PCDHGA1: variants seen among roughly 807,000 people sequenced by gnomAD.
The protein encoded by PCDHGA1 is protocadherin gamma-A1.
In PCDHGA1, 32 loss-of-function variants were observed where a neutral mutation model predicts 58.0. That is an observed-to-expected ratio of 0.55 (90% CI 0.42 to 0.74). PCDHGA1 has a LOEUF of 0.74. Among genes scored for constraint, PCDHGA1 ranks in the 30% least tolerant of loss-of-function variants. PCDHGA1 has a pLI of 0.00. For synonymous variants in PCDHGA1, 498 were observed against 501.1 expected, an observed-to-expected ratio of 0.99 and a Z score of 0.08; for missense variants, 1,205 against 1,182.3, an observed-to-expected ratio of 1.02 and a Z score of -0.28.
chr5:141,330,971 G>T lies in PCDHGA1; in HGVS notation c.287G>T (p.Cys96Phe). Residue 96 changes from cysteine (C) to phenylalanine (F), a missense_variant, in exon 1 of 4, where the codon TGC becomes TTC. Cys to Phe is a radical substitution (Grantham distance 205). Transcript: ENST00000517417. ...TARRIDREEL[C>F]AQSMPCLVSF... ...CGCAGGATAGACCGGGAGGAGCTCT[G>T]CGCTCAGAGCATGCCGTGTCTCGTG... 6.2e-7 allele frequency: 1 copy of T among 1,614,218 alleles called. No individual in the cohort carries two copies. The highest frequency in any genetic ancestry group is 8.5e-7 in the Non-Finnish European group (1 of 1,180,044).
chr5:141,500,434 C>T (rs1216731905), intron 2 of PCDHGA1, among the ~76,000 whole-genome samples: 1 of 152,014 alleles, frequency 6.6e-6, no homozygotes, highest in Non-Finnish European at 1.5e-5. Flanking sequence ...TGGTCTCGAT[C>T]TCCTGACCTC....
chr5:141,509,086 A>T lies in PCDHGA1; in HGVS notation c.2570-1861A>T, dbSNP rs147084289. On this transcript the variant is annotated intron_variant, in intron 3 of 3. Coordinates refer to ENST00000517417, the MANE Select transcript of PCDHGA1 (RefSeq NM_018912.3). ...CAGCTCCGGGGATTTGCGACATGAAATGGGGGCTGTAGAAACCTGAGCGCT... is the reference window on the plus strand; with the variant it reads ...CAGCTCCGGGGATTTGCGACATGAATTGGGGGCTGTAGAAACCTGAGCGCT... 8.3e-3 allele frequency among the ~76,000 whole-genome samples: 1,261 copies of T among 152,228 alleles called. 7 individuals are homozygous for T. Among genetic ancestry groups the T allele is most frequent in the Middle Eastern group, 0.037 (11 of 294 alleles).
chr5:141,481,780 C>T (rs781334437), intron 1 of PCDHGA1, among the ~76,000 whole-genome samples: 3 of 152,016 alleles, frequency 2.0e-5, no homozygotes, highest in African/African-American at 7.2e-5. Flanking sequence ...GGTGAAACCC[C>T]GTCTCTACTA....
Position 141,409,176 on chromosome 5 carries a change from G to A in PCDHGA1, c.2421+76071G>A. On this transcript the variant is annotated intron_variant, in intron 1 of 3. Transcript: ENST00000517417. ...ATGGAAGTGGAAGCGAAGGACGGAG[G>A]TGGTCTCTCTACCCAGTGTAAAGTA... The A allele has an allele frequency of 6.2e-7, 1 of 1,614,026 alleles. No individual in the cohort carries two copies. The highest frequency in any genetic ancestry group is 8.5e-7 in the Non-Finnish European group (1 of 1,179,892).
chr5:141,503,598 CAAAAAAAAAA>C (rs765754054), intron 2 of PCDHGA1, among the ~76,000 whole-genome samples: 1 of 65,762 alleles, frequency 1.5e-5, no homozygotes. Context: ...GACTCCAGCT[CAAAAAAAAAA>C]AAAAAAGAAA....
At chr5:141,503,263 C>T (rs2099818883) in intron 2 of PCDHGA1, among the ~76,000 whole-genome samples, 2 of 152,212 alleles carry the variant, frequency 1.3e-5, no homozygotes, top group South Asian at 4.2e-4. Context: ...GCCACAACCC[C>T]AGCACCTGGC....
intron 1 of PCDHGA1, chr5:141,370,655 C>G (rs746541169): frequency 1.9e-6 from 3 of 1,613,826 alleles, no homozygotes; most frequent in Admixed American, 3.3e-5. Flanking sequence ...TACTTGTGAG[C>G]GACCGTATAG....
chr5:141,495,109 C>A (rs1445945970), intron 2 of PCDHGA1, among the ~76,000 whole-genome samples: 3 of 152,278 alleles, frequency 2.0e-5, no homozygotes, highest in South Asian at 2.1e-4. Context: ...CGACCGGCAC[C>A]TTTTCCTATC....
intron 1 of PCDHGA1, chr5:141,400,114 A>G: frequency 6.2e-7 from 1 of 1,614,074 alleles, no homozygotes; most frequent in Admixed American, 1.7e-5. Context: ...CTTTGCTGAC[A>G]GCTTGCAGGA....
Position 141,487,781 on chromosome 5 carries a change from G to T in PCDHGA1, c.2422-7026G>T. ...AGACGCTGTGCTTTGTAACTGTTTC[G>T]TGAATTAACCAGAGTTGTCACAGTT... On this transcript the variant is annotated intron_variant, in intron 1 of 3. Transcript: ENST00000517417. This position sits in a 1 kb window ranked among gnomAD's most constrained non-coding sequence, Gnocchi z 5.0. 2 of 1,526,850 alleles carry T rather than the reference G, an allele frequency of 1.3e-6. No homozygotes were observed. The highest frequency in any genetic ancestry group is 8.8e-7 in the Non-Finnish European group (1 of 1,130,880). The allele number at this position is 1,526,850 out of a possible 1,614,324, so 94.6% of individuals were successfully genotyped here. A position where few individuals can be genotyped will look rare whatever the true frequency, so the allele number is the denominator to read the frequency against.
intron 1 of PCDHGA1, chr5:141,374,698 A>G: frequency 6.2e-7 from 1 of 1,609,364 alleles, no homozygotes; most frequent in Non-Finnish European, 8.5e-7. Context: ...GGGAAGGAGA[A>G]GCCGTTTACC....
Position 141,414,697 on chromosome 5 carries a change from T to A in PCDHGA1, c.2422-80110T>A, listed in dbSNP as rs748722995. The A allele has an allele frequency of 9.3e-6, 15 of 1,614,036 alleles. No homozygotes were observed. Among genetic ancestry groups the A allele is most frequent in the Non-Finnish European group, 1.3e-5 (15 of 1,179,930 alleles). ...CATCCAGGGGGTACCTCTGTCCTCA[T>A]ACATATCCATCAACTCAGACACTGG... is the stretch of plus-strand genomic sequence containing the variant. On this transcript the variant is annotated intron_variant, in intron 1 of 3. Transcript: ENST00000517417.
chr5:141,488,915 G>A (rs942297924), intron 1 of PCDHGA1, among the ~76,000 whole-genome samples: 12 of 152,180 alleles, frequency 7.9e-5, no homozygotes, highest in Non-Finnish European at 2.9e-5. Flanking sequence ...TGTTCCCAAG[G>A]TTTCCAGGAT....
chr5:141,480,336 G>A (rs755963190), intron 1 of PCDHGA1, among the ~76,000 whole-genome samples: 1 of 151,988 alleles, frequency 6.6e-6, no homozygotes, highest in Non-Finnish European at 1.5e-5. Flanking sequence ...AATTGCTTGA[G>A]CCTGGGAGGT....
rs1232539322 is a variant in PCDHGA1 at position 141,331,650 on chromosome 5, G to T, written c.966G>T (p.Gln322His). Residue 322 changes from glutamine (Q) to histidine (H), a missense_variant, in exon 1 of 4, where the codon CAG (glutamine) becomes CAT (histidine). By Grantham distance (24) the Gln-to-His change is conservative. Transcript: ENST00000517417. ...YKMYSMEVQA[Q>H]DGAGLMAKVK... ...TGTATTCAATGGAAGTTCAAGCCCA[G>T]GATGGTGCGGGGCTCATGGCTAAAG... 1 of 1,613,990 alleles carries T rather than the reference G, an allele frequency of 6.2e-7. No individual in the cohort carries two copies. Among genetic ancestry groups the T allele is most frequent in the Non-Finnish European group, 8.5e-7 (1 of 1,180,032 alleles).
intron 1 of PCDHGA1, chr5:141,343,325 T>C: frequency 1.0e-6 from 1 of 980,834 alleles, no homozygotes; most frequent in Non-Finnish European, 1.2e-6. Flanking sequence ...GTGTTTCTTT[T>C]CTTTTTTTCC....
chr5:141,353,701 C>A (rs889492986), intron 1 of PCDHGA1, among the ~76,000 whole-genome samples: 1 of 152,142 alleles, frequency 6.6e-6, no homozygotes, highest in African/African-American at 2.4e-5. Context: ...TTCCATACTT[C>A]TTGTTTCTTT....
chr5:141,406,647 A>G (rs2094834813), intron 1 of PCDHGA1, among the ~76,000 whole-genome samples: 1 of 152,182 alleles, frequency 6.6e-6, no homozygotes, highest in Non-Finnish European at 1.5e-5. Context: ...TAATTTCCTA[A>G]TGCTTTAATG....
intron 1 of PCDHGA1, chr5:141,415,452 C>G (rs2095870569): frequency 1.9e-6 from 3 of 1,614,122 alleles, no homozygotes; most frequent in Admixed American, 1.7e-5. Context: ...CCTATTCCCA[C>G]GAGGTCTCTC....
Sources: gnomAD v4.1 joint callset for allele counts (sites outside exome capture counted in the v4.1 genomes callset) on GRCh38, gnomAD v4.1.1 for gene constraint, Gnocchi (gnomAD v3.1) non-coding constraint, MANE v1.5 for transcripts, NCBI Gene and HGNC (gene_info 2026-07-23, HGNC 2026-07-21) for gene names.